The following TPPP variants were observed in gnomAD, a reference collection of about 807,000 sequenced individuals.
The protein encoded by TPPP is tubulin polymerization promoting protein, also known as tubulin polymerization-promoting protein.
TPPP carries 6 observed loss-of-function variants against 15.5 expected under a neutral mutation model. The ratio of observed to expected loss-of-function variants is 0.39; its 90% CI spans 0.21 to 0.77. The LOEUF (loss-of-function observed/expected upper bound fraction) is 0.77. Ranked by LOEUF, TPPP falls within the 30% of genes least tolerant of loss-of-function variation. The probability of loss-of-function intolerance (pLI) is 0.42; values close to 1 mark genes in which losing one functional copy is unlikely to be tolerated. For missense variants in TPPP, 269 were observed against 307.2 expected, an observed-to-expected ratio of 0.88 and a Z score of 0.93; for synonymous variants, 146 against 133.9, an observed-to-expected ratio of 1.09 and a Z score of -0.63.
the TPPP span, among the ~76,000 whole-genome samples, chr5:698,415 C>A: frequency 6.6e-6 from 1 of 151,962 alleles, no homozygotes; most frequent in African/African-American, 2.4e-5. Flanking sequence ...CATAGAAAAC[C>A]CTGAAGACTT....
At position 677,906 on chromosome 5, in the gene TPPP, T is replaced by A; in HGVS notation, c.155A>T (p.Glu52Val). 6.2e-7 allele frequency: 1 copy of A among 1,612,780 alleles called. No individual in the cohort carries two copies. Among genetic ancestry groups the A allele is most frequent in the African/African-American group, 1.3e-5 (1 of 75,046 alleles). Residue 52 changes from glutamate to valine, a missense_variant, in exon 2 of 4, where the codon GAG becomes GTG. Coordinates refer to ENST00000360578, the MANE Select transcript of TPPP (RefSeq NM_007030.3). The stretch of plus-strand genomic sequence containing the variant: ...CACGGCAAAGCGCCGGAAGGCCTCC[T>A]CCAGGGCACTGAGCTCAGGGGATGC... ...AAASPELSAL[E>V]EAFRRFAVHG...
chr5:685,456 G>A (rs768975990), intron 1 of TPPP, among the ~76,000 whole-genome samples: 6 of 152,214 alleles, frequency 3.9e-5, no homozygotes, highest in African/African-American at 7.2e-5. Context: ...CACCACAACC[G>A]CATGGCCTCA....
chr5:671,581 C>G (rs988099160), intron 2 of TPPP, among the ~76,000 whole-genome samples: 1 of 152,230 alleles, frequency 6.6e-6, no homozygotes, highest in South Asian at 2.1e-4. Flanking sequence ...GGGTGCCTGT[C>G]GCCGCACAGT....
At chr5:682,172 C>T (rs1026307806) in intron 1 of TPPP, among the ~76,000 whole-genome samples, 3 of 149,386 alleles carry the variant, frequency 2.0e-5, no homozygotes, top group African/African-American at 5.1e-5. Flanking sequence ...CCTCTGATCA[C>T]AGAGCTGTCC....
At chr5:683,464 G>A (rs1319647066) in intron 1 of TPPP, among the ~76,000 whole-genome samples, 2 of 152,204 alleles carry the variant, frequency 1.3e-5, no homozygotes, top group Non-Finnish European at 2.9e-5. Flanking sequence ...GCCGATGCTC[G>A]TGCCCTGGAG....
intron 2 of TPPP, among the ~76,000 whole-genome samples, chr5:674,987 G>A (rs543096992): frequency 6.8e-6 from 1 of 147,186 alleles, no homozygotes; most frequent in African/African-American, 2.5e-5. Context: ...AAGGATCTGT[G>A]GCCGGGGGAG....
chr5:680,147 G>GGCCCCTGC, intron 1 of TPPP, among the ~76,000 whole-genome samples: 1 of 105,506 alleles, frequency 9.5e-6, no homozygotes, highest in African/African-American at 4.7e-5. Flanking sequence ...TCCGGCCCGC[G>GGCCCCTGC]GCCCCTGCGC....
In TPPP at chr5:666,157, G is replaced by C. The variant is rs201160165; in HGVS notation, c.312-34C>G. On this transcript the variant is annotated intron_variant, in intron 2 of 3. Transcript: ENST00000360578. ...GCACAGGCGACTTAGGGCTGGGCGC[G>C]GGCCGGCCCAGGGCTGCCCTCCCCA... The C allele has an allele frequency of 9.1e-6, 14 of 1,541,008 alleles. 1 individual carries two copies. The Admixed American group carries it at 2.6e-4, about 29-fold the overall frequency.
At chr5:684,894 C>T (rs1404581901) in intron 1 of TPPP, among the ~76,000 whole-genome samples, 2 of 152,226 alleles carry the variant, frequency 1.3e-5, no homozygotes, top group Non-Finnish European at 2.9e-5. Flanking sequence ...TGCACATCCC[C>T]CTGCAGCACA....
At chr5:673,515 CT>C (rs1740294601) in intron 2 of TPPP, among the ~76,000 whole-genome samples, 2 of 152,158 alleles carry the variant, frequency 1.3e-5, no homozygotes, top group Non-Finnish European at 2.9e-5. Context: ...AGTCCCAGTC[CT>C]GGCCACCTGA....
rs1739840781 is a variant in TPPP, at chr5:665,135, G to T, written c.627C>A (p.Gly209=). The change falls in exon 4 of 4, where the codon GGC becomes GGA. Residue 209 remains glycine (G), a synonymous_variant. Transcript: ENST00000360578. The part of the protein sequence containing the change: ...SGYVSGYKHA[G]TYDQKVQGGK ...CCCCTTGCACCTTCTGGTCGTAGGTGCCTGCGTGCTTGTAGCCGGACACAT... is the reference window on the plus strand; with the variant it reads ...CCCCTTGCACCTTCTGGTCGTAGGTTCCTGCGTGCTTGTAGCCGGACACAT... 6.2e-7 allele frequency: 1 copy of T among 1,612,586 alleles called. No homozygotes were observed. Among genetic ancestry groups the T allele is most frequent in the Admixed American group, 1.7e-5 (1 of 60,020 alleles).
At chr5:674,951 G>C (rs988773870) in intron 2 of TPPP, among the ~76,000 whole-genome samples, 1 of 151,066 alleles carries the variant, frequency 6.6e-6, no homozygotes, top group African/African-American at 2.4e-5. Context: ...TCCTGAGGGA[G>C]GTGCAGCCCT....
chr5:665,935 CT>C, intron 3 of TPPP, 34 bp downstream of exon 3: 5 of 1,322,928 alleles, frequency 3.8e-6, no homozygotes, highest in South Asian at 1.6e-5. Flanking sequence ...CCCCCACCCC[CT>C]CCAGGCCCCG....
chr5:674,544 G>A (rs1740338203), intron 2 of TPPP, among the ~76,000 whole-genome samples: 1 of 152,130 alleles, frequency 6.6e-6, no homozygotes, highest in Non-Finnish European at 1.5e-5. Context: ...CTCAGGACAA[G>A]GGCACTGTCT....
chr5:674,227 C>T (rs918096295), intron 2 of TPPP, among the ~76,000 whole-genome samples: 1 of 152,240 alleles, frequency 6.6e-6, no homozygotes, highest in Non-Finnish European at 1.5e-5. Flanking sequence ...ACAGAGGGCA[C>T]CCAGGGACTC....
chr5:667,999 C>T (rs570254519), intron 2 of TPPP, among the ~76,000 whole-genome samples: 1 of 48,232 alleles, frequency 2.1e-5, no homozygotes, highest in Non-Finnish European at 3.3e-5. Context: ...CGTGTGGGCG[C>T]CGTCAGGGAA....
At chr5:685,195 C>T (rs1383582343) in intron 1 of TPPP, among the ~76,000 whole-genome samples, 1 of 152,194 alleles carries the variant, frequency 6.6e-6, no homozygotes, top group South Asian at 2.1e-4. Context: ...CCAGAGGGAT[C>T]GCTAGGATGG....
chr5:668,377 C>G (rs1292664338), intron 2 of TPPP, among the ~76,000 whole-genome samples: 1 of 96,166 alleles, frequency 1.0e-5, no homozygotes, highest in African/African-American at 5.2e-5. Flanking sequence ...GAGGGGTCCG[C>G]GTGGGCCTCG....
chr5:665,241 C>T lies in TPPP; in HGVS notation c.521G>A (p.Gly174Asp). 1 of 1,613,816 alleles carries T rather than the reference C, an allele frequency of 6.2e-7. No individual in the cohort carries two copies. Among genetic ancestry groups the T allele is most frequent in the Non-Finnish European group, 8.5e-7 (1 of 1,179,960 alleles). ...GGGGTCGAAGCGCTCCTTGTGGGAG[C>T]CCGTGAACTTGGTGGTGTCCGTGAG... Reference protein sequence around the residue: ...SRLTDTTKFTGSHKERFDPSG... With the variant: ...SRLTDTTKFTDSHKERFDPSG... The change falls in exon 4 of 4, where the codon GGC becomes GAC. Residue 174 changes from glycine to aspartate, a missense_variant. Transcript: ENST00000360578.
Sources: allele counts gnomAD v4.1 joint callset (sites outside exome capture counted in the v4.1 genomes callset), GRCh38; gene constraint gnomAD v4.1.1; transcripts MANE v1.5; gene names NCBI Gene and HGNC (gene_info 2026-07-23, HGNC 2026-07-21).